The following LRRC8D variants were observed in gnomAD, a reference collection of about 807,000 sequenced individuals.
The protein encoded by LRRC8D is volume-regulated anion channel subunit LRRC8D.
LRRC8D carries 20 observed loss-of-function variants against 55.8 expected under a neutral mutation model. That is an observed-to-expected ratio of 0.36 (90% CI 0.25 to 0.52). LRRC8D has a LOEUF of 0.52. Among genes scored for constraint, LRRC8D ranks in the 20% least tolerant of loss-of-function variants. The probability of loss-of-function intolerance (pLI) is 0.93; values close to 1 mark genes in which losing one functional copy is unlikely to be tolerated. For missense variants in LRRC8D, 651 were observed against 1,030.8 expected (o/e 0.63, Z 5.05); for synonymous variants, 352 against 377.0 (o/e 0.93, Z 0.77).
At chr1:89,839,224 T>C (rs980273947) in intron 1 of LRRC8D, among the ~76,000 whole-genome samples, 1 of 152,216 alleles carries the variant, frequency 6.6e-6, no homozygotes, top group African/African-American at 2.4e-5. Flanking sequence ...GCGAAGGTAG[T>C]TCTGAGAATT....
In LRRC8D at chr1:89,936,609, A is replaced by G. The variant is rs1040385775; in HGVS notation, c.*964A>G. The G allele has an allele frequency of 4.6e-5, 7 of 152,146 alleles. No homozygotes were observed. Among genetic ancestry groups the G allele is most frequent in the Non-Finnish European group, 8.8e-5 (6 of 68,028 alleles). 9.4% of individuals were successfully genotyped at this position (152,146 alleles called of 1,614,324 possible). ...GGAAACTCTTACCTTTCCCTATCTT[A>G]ATGACAAGCTGTATTTTCTGTGTTT... is the stretch of plus-strand genomic sequence containing the variant. On this transcript the variant is annotated 3_prime_UTR_variant, in exon 3 of 3. Coordinates refer to ENST00000337338, the MANE Select transcript of LRRC8D (RefSeq NM_001134479.2).
In LRRC8D at chr1:89,900,278, G is replaced by A. The variant is rs531297357; in HGVS notation, c.-2-32789G>A. 2.6e-5 allele frequency among the ~76,000 whole-genome samples: 4 copies of A among 152,334 alleles called. No homozygotes were observed. The South Asian group carries it at 8.3e-4, about 32-fold the overall frequency. On this transcript the variant is annotated intron_variant, in intron 2 of 2. Coordinates refer to ENST00000337338, the MANE Select transcript of LRRC8D (RefSeq NM_001134479.2). ...CCTGTGGATGAGAACCTGGTAGAGG[G>A]ACGATGTGTTACAAATGCTGATGGT...
At chr1:89,882,985 G>A (rs988911515) in intron 2 of LRRC8D, among the ~76,000 whole-genome samples, 14 of 152,296 alleles carry the variant, frequency 9.2e-5, no homozygotes, top group South Asian at 2.1e-4. Context: ...GGCTTCAACT[G>A]CCAGTCAAGG....
chr1:89,841,408 T>TC (rs909276055), intron 1 of LRRC8D, among the ~76,000 whole-genome samples: 8 of 142,366 alleles, frequency 5.6e-5, no homozygotes, highest in Non-Finnish European at 1.1e-4. Context: ...CCCCCCCCTT[T>TC]TTTTTGTGAG....
chr1:89,854,789 A>G (rs562325765), intron 2 of LRRC8D, among the ~76,000 whole-genome samples: 23 of 152,340 alleles, frequency 1.5e-4, no homozygotes, highest in African/African-American at 5.3e-4. Flanking sequence ...AGTTGACAGC[A>G]TGAACAGCAG....
chr1:89,882,130 C>T (rs1662300146), intron 2 of LRRC8D, among the ~76,000 whole-genome samples: 1 of 152,170 alleles, frequency 6.6e-6, no homozygotes, highest in South Asian at 2.1e-4. Context: ...TTTGGATGCA[C>T]TCTGGGACAG....
intron 2 of LRRC8D, among the ~76,000 whole-genome samples, chr1:89,914,646 C>T (rs1013700538): frequency 3.3e-5 from 5 of 151,812 alleles, no homozygotes; most frequent in East Asian, 1.9e-4. Flanking sequence ...TTCCTGGAAA[C>T]GTCCCTGGTT....
At chr1:89,845,390 T>C (rs1236210633) in intron 2 of LRRC8D, among the ~76,000 whole-genome samples, 1 of 152,232 alleles carries the variant, frequency 6.6e-6, no homozygotes, top group African/African-American at 2.4e-5. Context: ...GCTGTGTTTA[T>C]GCCTCTTCTT....
chr1:89,836,350 A>G (rs1661005003), intron 1 of LRRC8D, among the ~76,000 whole-genome samples: 1 of 152,242 alleles, frequency 6.6e-6, no homozygotes, highest in Non-Finnish European at 1.5e-5. Context: ...AAATAATGTT[A>G]GTTCAAGTTT....
At chr1:89,842,736 T>C (rs1661166850) in intron 1 of LRRC8D, among the ~76,000 whole-genome samples, 1 of 152,208 alleles carries the variant, frequency 6.6e-6, no homozygotes, top group Non-Finnish European at 1.5e-5. Context: ...CTGTGTACTC[T>C]TTTTAACACT....
At chr1:89,920,012 A>G (rs1166037046) in intron 2 of LRRC8D, among the ~76,000 whole-genome samples, 1 of 152,222 alleles carries the variant, frequency 6.6e-6, no homozygotes, top group Admixed American at 6.5e-5. Flanking sequence ...TGTATGGAAT[A>G]AAATGTGGAA....
chr1:89,838,219 A>T (rs912774749), intron 1 of LRRC8D, among the ~76,000 whole-genome samples: 2 of 151,278 alleles, frequency 1.3e-5, no homozygotes, highest in Non-Finnish European at 2.9e-5. Context: ...AAGGGGGGAA[A>T]AAAGAAAAAT....
chr1:89,895,627 T>C (rs1662688110), intron 2 of LRRC8D, among the ~76,000 whole-genome samples: 1 of 152,240 alleles, frequency 6.6e-6, no homozygotes, highest in South Asian at 2.1e-4. Context: ...TCTTCAAGTT[T>C]CTATTCATAT....
intron 2 of LRRC8D, among the ~76,000 whole-genome samples, chr1:89,930,969 C>A (rs1663690316): frequency 6.8e-6 from 1 of 146,894 alleles, no homozygotes; most frequent in Non-Finnish European, 1.5e-5. Flanking sequence ...TACTAAGGTA[C>A]AAAGTTATTT....
intron 2 of LRRC8D, among the ~76,000 whole-genome samples, chr1:89,917,448 T>A (rs757492793): frequency 6.6e-6 from 1 of 152,136 alleles, no homozygotes; most frequent in African/African-American, 2.4e-5. Flanking sequence ...TTTGATGACA[T>A]CAAACTATGC....
rs565951162 is a variant in LRRC8D, at chr1:89,824,926, G to A, written c.-148+3635G>A. ...GCCTATGATTTTCTTAGGCAGTGCC[G>A]AGCACAAACTTCTTTATTAGATAAT... On this transcript the variant is annotated intron_variant, in intron 1 of 2. Transcript: ENST00000337338. Among the ~76,000 whole-genome samples, 344 of 152,242 alleles carry A rather than the reference G, an allele frequency of 2.3e-3. 1 individual carries two copies. The highest frequency in any genetic ancestry group is 3.2e-3 in the Admixed American group (49 of 15,292).
At chr1:89,838,515 T>C (rs1173003623) in intron 1 of LRRC8D, among the ~76,000 whole-genome samples, 2 of 152,242 alleles carry the variant, frequency 1.3e-5, no homozygotes, top group African/African-American at 4.8e-5. Context: ...GTATTTCATC[T>C]ATGTAATACA....
rs546262625 is a variant in LRRC8D, at chr1:89,834,425, G to A, written c.-147-9213G>A. On this transcript the variant is annotated intron_variant, in intron 1 of 2. Coordinates refer to ENST00000337338, the MANE Select transcript of LRRC8D (RefSeq NM_001134479.2). ...TCAGCCATGAAGGTTGGTGTCATTG[G>A]TGTTCCATTTCAAAGATTACAAAAC... 1.2e-4 allele frequency among the ~76,000 whole-genome samples: 19 copies of A among 152,278 alleles called. No homozygotes were observed. The South Asian group carries it at 1.7e-3, about 13-fold the overall frequency.
At chr1:89,862,579 T>G (rs1433590941) in intron 2 of LRRC8D, among the ~76,000 whole-genome samples, 1 of 152,220 alleles carries the variant, frequency 6.6e-6, no homozygotes, top group African/African-American at 2.4e-5. Flanking sequence ...TGTATTTATG[T>G]TTTTCAGTCT....
Sources: allele counts gnomAD v4.1 joint callset (sites outside exome capture counted in the v4.1 genomes callset), GRCh38; gene constraint gnomAD v4.1.1; transcripts MANE v1.5; gene names NCBI Gene and HGNC (gene_info 2026-07-23, HGNC 2026-07-21).